PARD3: variants seen among roughly 807,000 people sequenced by gnomAD.
PARD3 encodes partitioning defective 3 homolog.
In PARD3, 75 loss-of-function variants were observed where a neutral mutation model predicts 155.4. The ratio of observed to expected loss-of-function variants is 0.48; its 90% CI spans 0.40 to 0.58. The LOEUF is 0.58. Among genes scored for constraint, PARD3 ranks in the 20% least tolerant of loss-of-function variants. The probability of loss-of-function intolerance (pLI) is 0.00; values close to 1 mark genes in which losing one functional copy is unlikely to be tolerated. For synonymous variants in PARD3, 576 were observed against 610.5 expected (o/e 0.94, Z 0.83); for missense variants, 1,642 against 1,721.7 (o/e 0.95, Z 0.82).
At chr10:34,238,211 C>T (rs898980521) in intron 22 of PARD3, among the ~76,000 whole-genome samples, 4 of 152,188 alleles carry the variant, frequency 2.6e-5, no homozygotes, top group Admixed American at 1.3e-4. Context: ...ATTTCAGCAG[C>T]TGTCTTTCCT....
chr10:34,332,268 G>A lies in PARD3; in HGVS notation c.2606-924C>T, dbSNP rs567243529. ...CAATCAAAACTGATTTCTTTAACCAGGTAAGACAGCCTCATCCATCACTGC... is the reference window on the plus strand; with the variant it reads ...CAATCAAAACTGATTTCTTTAACCAAGTAAGACAGCCTCATCCATCACTGC... On this transcript the variant is annotated intron_variant, in intron 18 of 24. Transcript: ENST00000374788. Among the ~76,000 whole-genome samples, 3 of 152,118 alleles carry A rather than the reference G, an allele frequency of 2.0e-5. No individual in the cohort carries two copies. In the South Asian group the frequency reaches 6.2e-4, roughly 32 times the overall value.
chr10:34,603,546 T>C (rs1464525483), intron 2 of PARD3, among the ~76,000 whole-genome samples: 1 of 152,174 alleles, frequency 6.6e-6, no homozygotes, highest in African/African-American at 2.4e-5. Flanking sequence ...ATCTTTTGTT[T>C]GGGCAAAGGG....
At chr10:34,179,985 T>C (rs1230332722) in intron 22 of PARD3, among the ~76,000 whole-genome samples, 1 of 152,186 alleles carries the variant, frequency 6.6e-6, no homozygotes, top group Non-Finnish European at 1.5e-5. Context: ...ATGAGATGTT[T>C]TGATACAGGC....
At chr10:34,146,623 AT>A (rs1948519587) in intron 22 of PARD3, among the ~76,000 whole-genome samples, 2 of 152,146 alleles carry the variant, frequency 1.3e-5, no homozygotes, top group African/African-American at 4.8e-5. Flanking sequence ...TTTTGCCCAC[AT>A]TTACTTCTGC....
intron 3 of PARD3, among the ~76,000 whole-genome samples, chr10:34,481,487 A>C (rs1424288451): frequency 6.6e-6 from 1 of 152,144 alleles, no homozygotes; most frequent in African/African-American, 2.4e-5. Context: ...GTGCATAAAA[A>C]CGTGGTATCC....
chr10:34,196,354 TA>T (rs1052100333), intron 22 of PARD3, among the ~76,000 whole-genome samples: 7 of 152,266 alleles, frequency 4.6e-5, no homozygotes, highest in African/African-American at 1.4e-4. Flanking sequence ...GAGAGTCACT[TA>T]AAAAAATCAC....
chr10:34,647,020 G>C (rs1193225574), intron 2 of PARD3, among the ~76,000 whole-genome samples: 1 of 152,000 alleles, frequency 6.6e-6, no homozygotes, highest in African/African-American at 2.4e-5. Flanking sequence ...TTTATTTTTT[G>C]GAAGTGTGAA....
At chr10:34,624,083 G>A (rs564854105) in intron 2 of PARD3, among the ~76,000 whole-genome samples, 15 of 152,116 alleles carry the variant, frequency 9.9e-5, no homozygotes, top group Admixed American at 6.5e-4. Context: ...GTGTGCACAC[G>A]GCTCCTATTC....
chr10:34,251,969 C>A (rs1259631707), intron 22 of PARD3, among the ~76,000 whole-genome samples: 1 of 152,130 alleles, frequency 6.6e-6, no homozygotes, highest in African/African-American at 2.4e-5. Flanking sequence ...AGACAACAGA[C>A]AACACCCCCT....
chr10:34,648,711 T>G (rs2253088), intron 2 of PARD3, among the ~76,000 whole-genome samples: 1 of 152,172 alleles, frequency 6.6e-6, no homozygotes, highest in South Asian at 2.1e-4. Context: ...TGGCTCCTAA[T>G]GGGCCATGGA....
chr10:34,125,500 T>G (rs1209354808), intron 23 of PARD3, among the ~76,000 whole-genome samples: 1 of 152,220 alleles, frequency 6.6e-6, no homozygotes, highest in African/African-American at 2.4e-5. Context: ...GAGCAGATAC[T>G]TTTTAAGTCT....
intron 21 of PARD3, among the ~76,000 whole-genome samples, chr10:34,274,807 A>C (rs886093326): frequency 1.3e-5 from 2 of 152,168 alleles, no homozygotes; most frequent in African/African-American, 2.4e-5. Flanking sequence ...GCTTACTTAC[A>C]TCAGAAAATG....
At chr10:34,796,482 G>A (rs1842255347) in intron 1 of PARD3, among the ~76,000 whole-genome samples, 1 of 152,152 alleles carries the variant, frequency 6.6e-6, no homozygotes, top group African/African-American at 2.4e-5. Flanking sequence ...TCAACTTGGG[G>A]TTAAGTGTTA....
Position 34,374,888 on chromosome 10 carries a change from G to A in PARD3, c.1654C>T (p.His552Tyr). 1 of 1,613,928 alleles carries A rather than the reference G, an allele frequency of 6.2e-7. No individual in the cohort carries two copies. Among genetic ancestry groups the A allele is most frequent in the South Asian group, 1.1e-5 (1 of 91,072 alleles). The change falls in exon 11 of 25, where the codon CAC becomes TAC. Residue 552 changes from histidine (H) to tyrosine (Y), a missense_variant. Around this residue, in one of 3 missense-constraint regions of PARD3, gnomAD observed 1,529 missense variants for 1,587.3 expected, o/e 0.96. Coordinates refer to ENST00000374788, the MANE Select transcript of PARD3 (RefSeq NM_001184785.2). ...LLVFRQEDAFHPRELNAEPSQ... is the reference protein window; with the variant it reads ...LLVFRQEDAFYPRELNAEPSQ... ...AATTTACACACCAGTTCCCTTGGGTGGAAGGCGTCTTCCTGGCGAAAGACC... is the reference window on the plus strand; with the variant it reads ...AATTTACACACCAGTTCCCTTGGGTAGAAGGCGTCTTCCTGGCGAAAGACC...
intron 22 of PARD3, among the ~76,000 whole-genome samples, chr10:34,159,828 G>T (rs982833052): frequency 6.6e-6 from 1 of 152,160 alleles, no homozygotes; most frequent in African/African-American, 2.4e-5. Flanking sequence ...TAAGTAACTT[G>T]CCCAAGATCA....
At chr10:34,116,474 G>A (rs548967851) in intron 24 of PARD3, among the ~76,000 whole-genome samples, 2 of 152,262 alleles carry the variant, frequency 1.3e-5, no homozygotes, top group South Asian at 2.1e-4. Context: ...TCAAGCTCAC[G>A]GAGGTGGTTG....
chr10:34,671,787 T>A (rs2093614250), intron 2 of PARD3, among the ~76,000 whole-genome samples: 2 of 152,152 alleles, frequency 1.3e-5, no homozygotes, highest in South Asian at 2.1e-4. Flanking sequence ...TCTGCAAGAA[T>A]TCAGAAGTAG....
chr10:34,599,286 T>C (rs973187865), intron 2 of PARD3, among the ~76,000 whole-genome samples: 12 of 152,292 alleles, frequency 7.9e-5, no homozygotes, highest in Admixed American at 2.6e-4. Context: ...ACATGAGGGT[T>C]AAACAAATGA....
chr10:34,652,796 A>G (rs1483482154), intron 2 of PARD3, among the ~76,000 whole-genome samples: 3 of 152,248 alleles, frequency 2.0e-5, no homozygotes, highest in Non-Finnish European at 4.4e-5. Context: ...GACTGCAACC[A>G]TAACTAACCA....
Sources: allele counts gnomAD v4.1 joint callset (sites outside exome capture counted in the v4.1 genomes callset), GRCh38; gene constraint gnomAD v4.1.1; regional missense constraint gnomAD v4.1.1; transcripts MANE v1.5; gene names NCBI Gene and HGNC (gene_info 2026-07-23, HGNC 2026-07-21).